Variants in CEP89 observed in about 807,000 individuals in gnomAD.
CEP89 encodes centrosomal protein 89.
A neutral mutation model predicts 97.6 loss-of-function variants in CEP89; 95 were observed. The ratio of observed to expected loss-of-function variants is 0.97; its 90% CI spans 0.82 to 1.15. The LOEUF (loss-of-function observed/expected upper bound fraction) is 1.15, where lower values mean the gene tolerates loss of function less well. Ranked by LOEUF, CEP89 falls within the 50% of genes most tolerant of loss-of-function variation. The pLI, the probability that CEP89 is intolerant of heterozygous loss-of-function variation, is 0.00. For synonymous variants in CEP89, 354 were observed against 349.1 expected (o/e 1.01, Z -0.16); for missense variants, 869 against 947.7 (o/e 0.92, Z 1.09).
Position 32,899,853 on chromosome 19 carries a change from T to C in CEP89, c.1875+4A>G. 1 of 1,610,552 alleles carries C rather than the reference T, an allele frequency of 6.2e-7. No homozygotes were observed. On this transcript the variant is annotated splice_donor_region_variant and intron_variant, in intron 16 of 18. Transcript: ENST00000305768. ...TTACTTGATGTAACCTTCAGGAAAC[T>C]TACCAAACACATAAGACTGTCACGT... is the stretch of plus-strand genomic sequence containing the variant.
chr19:32,881,825 C>T lies in CEP89; in HGVS notation c.2135+19G>A, dbSNP rs750722903. 26 of 1,587,462 alleles carry T rather than the reference C, an allele frequency of 1.6e-5. No homozygotes were observed. Among genetic ancestry groups the T allele is most frequent in the South Asian group, 3.4e-5 (3 of 88,812 alleles). On this transcript the variant is annotated intron_variant, in intron 18 of 18. Transcript: ENST00000305768. ...ATTCAGACATCTCTGCGGGCCATGGCGCAGGGCGCATGCCCCACCTGTTCT... is the reference window on the plus strand; with the variant it reads ...ATTCAGACATCTCTGCGGGCCATGGTGCAGGGCGCATGCCCCACCTGTTCT...
chr19:32,969,815 C>T (rs1971361280), intron 1 of CEP89: 1 of 152,198 alleles, frequency 6.6e-6, no homozygotes, highest in Admixed American at 6.5e-5. Context: ...AGGCTCGGAT[C>T]CACAGCTGCA....
At chr19:32,899,763 TA>T in intron 16 of CEP89, 93 bp downstream of exon 16, 1 of 1,291,032 alleles carries the variant, frequency 7.7e-7, no homozygotes, top group Non-Finnish European at 1.1e-6. Context: ...AATGCCTGGA[TA>T]AAGCTTTTAA....
chr19:32,890,956 C>T (rs2145875734), intron 16 of CEP89, among the ~76,000 whole-genome samples: 1 of 152,306 alleles, frequency 6.6e-6, no homozygotes, highest in Admixed American at 6.5e-5. Flanking sequence ...ACGGACATCT[C>T]CCCACATGCA....
At chr19:32,941,478 G>A (rs924124352) in intron 5 of CEP89, among the ~76,000 whole-genome samples, 4 of 152,076 alleles carry the variant, frequency 2.6e-5, no homozygotes, top group Non-Finnish European at 5.9e-5. Context: ...ACTCCAGCCT[G>A]CGCAACAGAG....
At chr19:32,944,121 G>T (rs560950371) in intron 5 of CEP89, among the ~76,000 whole-genome samples, 1 of 151,092 alleles carries the variant, frequency 6.6e-6, no homozygotes, top group African/African-American at 2.4e-5. Context: ...CAGCTATTCA[G>T]GAGGCTGAGG....
At chr19:32,908,235 T>C (rs1809753611) in intron 14 of CEP89, among the ~76,000 whole-genome samples, 1 of 152,260 alleles carries the variant, frequency 6.6e-6, no homozygotes. Context: ...AAGTCATTAA[T>C]GGTGAAGGCA....
intron 2 of CEP89, 55 bp from the exon 3 acceptor site, chr19:32,960,113 G>A: frequency 6.3e-7 from 1 of 1,588,718 alleles, no homozygotes; most frequent in Non-Finnish European, 8.6e-7. Context: ...CCAGGTGAAT[G>A]CTGAACAAGG....
At chr19:32,957,461 G>A (rs879610041) in intron 3 of CEP89, among the ~76,000 whole-genome samples, 6 of 152,004 alleles carry the variant, frequency 3.9e-5, no homozygotes, top group Non-Finnish European at 8.8e-5. Flanking sequence ...GAAGCTAGAA[G>A]TTCAAGTCCA....
Position 32,915,438 on chromosome 19 carries a change from T to C in CEP89, c.1464A>G (p.Glu488=), listed in dbSNP as rs1216946174. The change falls in exon 14 of 19, where the codon GAA becomes GAG. Residue 488 remains glutamate, a synonymous_variant. Transcript: ENST00000305768. ...GQEKELAENR[E]QLEILRAKCQ... is the part of the protein sequence containing the mutation. ...ATTTGGCACGTAAAATCTCCAGCTG[T>C]TCCCTGTTCTCCGCCAGCTCCTTTT... 6.2e-7 allele frequency: 1 copy of C among 1,613,954 alleles called. No individual in the cohort carries two copies. Among genetic ancestry groups the C allele is most frequent in the Non-Finnish European group, 8.5e-7 (1 of 1,179,936 alleles).
Position 32,959,830 on chromosome 19 carries a change from C to T in CEP89, c.305+70G>A, listed in dbSNP as rs73926194. 5.1e-3 allele frequency: 8,003 copies of T among 1,560,676 alleles called. 347 individuals are homozygous for T. The African/African-American group carries it at 0.095, about 19-fold the overall frequency. ...ACACATGTACGCATGCACACATACA[C>T]GTAGAGACCAGGCTGAGCCTGCCCC... On this transcript the variant is annotated intron_variant, in intron 3 of 18. Coordinates refer to ENST00000305768, the MANE Select transcript of CEP89 (RefSeq NM_032816.5).
chr19:32,931,414 A>T lies in CEP89; in HGVS notation c.1029+15T>A, dbSNP rs1970469629. On this transcript the variant is annotated intron_variant, in intron 9 of 18. Transcript: ENST00000305768. ...AAAAATCTGAAAAGCTGATTTTCAC[A>T]ATCGGAAACGTTACCTCTTCCTTGG... 1.3e-6 allele frequency: 2 copies of T among 1,550,820 alleles called. No homozygotes were observed. The highest frequency in any genetic ancestry group is 1.7e-6 in the Non-Finnish European group (2 of 1,157,076).
At chr19:32,901,206 T>C in intron 15 of CEP89, 39 bp downstream of exon 15, 1 of 1,595,654 alleles carries the variant, frequency 6.3e-7, no homozygotes, top group Non-Finnish European at 8.5e-7. Flanking sequence ...TTTTAACTAT[T>C]GAAAATAAAA....
At chr19:32,898,672 A>T in intron 16 of CEP89, among the ~76,000 whole-genome samples, 1 of 152,154 alleles carries the variant, frequency 6.6e-6, no homozygotes. Flanking sequence ...TCTTGAGGCC[A>T]GGAATTCAAG....
chr19:32,945,670 T>A (rs4805022), intron 5 of CEP89, among the ~76,000 whole-genome samples: 54,043 of 152,028 alleles, frequency 0.36, 9,826 homozygotes, highest in Admixed American at 0.48. Context: ...TTTCTTTTTT[T>A]AATTTCTGGT....
intron 6 of CEP89, among the ~76,000 whole-genome samples, chr19:32,939,026 C>T (rs546822514): frequency 2.0e-5 from 3 of 152,130 alleles, no homozygotes; most frequent in East Asian, 1.9e-4. Context: ...GCAGGAGGAT[C>T]GCTTGAGCCC....
At chr19:32,932,912 T>C (rs1970505051) in intron 8 of CEP89, among the ~76,000 whole-genome samples, 1 of 152,146 alleles carries the variant, frequency 6.6e-6, no homozygotes, top group Non-Finnish European at 1.5e-5. Context: ...ACCACCCCAC[T>C]GTAGTCCAAC....
chr19:32,965,430 G>A (rs1971260654), intron 2 of CEP89, among the ~76,000 whole-genome samples: 1 of 151,094 alleles, frequency 6.6e-6, no homozygotes, highest in Admixed American at 6.6e-5. Context: ...GCCAGGCACA[G>A]TGGCTCACGT....
chr19:32,886,161 G>A (rs151205436), intron 17 of CEP89, among the ~76,000 whole-genome samples: 3 of 152,318 alleles, frequency 2.0e-5, no homozygotes, highest in Admixed American at 6.5e-5. Context: ...TCACTTTGGA[G>A]TATAGTTTTG....
Sources: allele counts gnomAD v4.1 joint callset (sites outside exome capture counted in the v4.1 genomes callset), GRCh38; gene constraint gnomAD v4.1.1; transcripts MANE v1.5; gene names NCBI Gene and HGNC (gene_info 2026-07-23, HGNC 2026-07-21).